Variants in FOXO3 observed in about 807,000 individuals in gnomAD.
FOXO3 encodes forkhead box protein O3.
Under a neutral mutation model 41.9 loss-of-function variants are expected in FOXO3, and 4 were observed. That is an observed-to-expected ratio of 0.10 (90% CI 0.05 to 0.22). The LOEUF is 0.22. Among genes scored for constraint, FOXO3 ranks in the 10% least tolerant of loss-of-function variants. The probability of loss-of-function intolerance (pLI) is 1.00; values close to 1 mark genes in which losing one functional copy is unlikely to be tolerated. For synonymous variants in FOXO3, 318 were observed against 389.3 expected, an observed-to-expected ratio of 0.82 and a Z score of 2.16; for missense variants, 534 against 906.8, an observed-to-expected ratio of 0.59 and a Z score of 5.28.
chr6:108,564,978 C>T (rs1222422842), intron 1 of FOXO3, among the ~76,000 whole-genome samples: 1 of 151,982 alleles, frequency 6.6e-6, no homozygotes. Flanking sequence ...TTTTTGTTTT[C>T]CATTTTCTTC....
chr6:108,670,827 C>G (rs1779195822), intron 2 of FOXO3, among the ~76,000 whole-genome samples: 1 of 152,158 alleles, frequency 6.6e-6, no homozygotes. Context: ...TGTCATATAT[C>G]TAGTGTTTCT....
intron 2 of FOXO3, among the ~76,000 whole-genome samples, chr6:108,670,270 G>A (rs984480186): frequency 6.6e-6 from 1 of 152,018 alleles, no homozygotes; most frequent in East Asian, 1.9e-4. Flanking sequence ...GACACCACCT[G>A]CTTCACCCTG....
intron 1 of FOXO3, among the ~76,000 whole-genome samples, chr6:108,582,409 C>T (rs898985433): frequency 9.9e-5 from 15 of 152,220 alleles, no homozygotes; most frequent in Non-Finnish European, 2.1e-4. Context: ...GTTGTAAGAA[C>T]TCAGTAACAT....
chr6:108,602,733 TTAATA>T (rs1777088114), intron 1 of FOXO3, among the ~76,000 whole-genome samples: 1 of 152,214 alleles, frequency 6.6e-6, no homozygotes, highest in Admixed American at 6.5e-5. Flanking sequence ...TAAAGGCCGA[TTAATA>T]TAAGCAATAT....
chr6:108,563,526 C>G (rs1403379746), intron 1 of FOXO3, among the ~76,000 whole-genome samples: 1 of 152,106 alleles, frequency 6.6e-6, no homozygotes, highest in East Asian at 1.9e-4. Context: ...ATCAGGAAGG[C>G]GTAAGCGGAC....
chr6:108,606,027 G>A (rs1226780752), intron 1 of FOXO3, among the ~76,000 whole-genome samples: 2 of 152,190 alleles, frequency 1.3e-5, no homozygotes, highest in Non-Finnish European at 2.9e-5. Context: ...TTATGTAAGA[G>A]TTACAAGTAA....
At chr6:108,575,881 C>T (rs1035666049) in intron 1 of FOXO3, among the ~76,000 whole-genome samples, 1 of 152,168 alleles carries the variant, frequency 6.6e-6, no homozygotes, top group Non-Finnish European at 1.5e-5. Flanking sequence ...TGAACTCAAA[C>T]ATTCTTTCAA....
chr6:108,668,114 T>C (rs986948509), intron 2 of FOXO3, among the ~76,000 whole-genome samples: 1 of 152,162 alleles, frequency 6.6e-6, no homozygotes, highest in African/African-American at 2.4e-5. Context: ...TCTAATAACT[T>C]TCTTGGTTTA....
chr6:108,639,833 AC>A (rs1778208842), intron 1 of FOXO3, among the ~76,000 whole-genome samples: 1 of 152,224 alleles, frequency 6.6e-6, no homozygotes, highest in Non-Finnish European at 1.5e-5. Context: ...TGTAGATTTT[AC>A]TTTCTAAATA....
chr6:108,679,956 C>T lies in FOXO3; in HGVS notation c.*164C>T, dbSNP rs372884677. On this transcript the variant is annotated 3_prime_UTR_variant, in exon 3 of 3. Transcript: ENST00000406360. ...CGCCATTTTCCTAACCCAGCAGAGACTGTTAATGGCCCCTTACCCTGGGTG... is the reference window on the plus strand; with the variant it reads ...CGCCATTTTCCTAACCCAGCAGAGATTGTTAATGGCCCCTTACCCTGGGTG... 6.5e-6 allele frequency: 1 copy of T among 153,086 alleles called. No individual in the cohort carries two copies. Among genetic ancestry groups the T allele is most frequent in the South Asian group, 2.1e-4 (1 of 4,836 alleles). 9.5% of individuals were successfully genotyped at this position (153,086 alleles called of 1,614,324 possible). A position where few individuals can be genotyped will look rare whatever the true frequency, so the allele number is the denominator to read the frequency against.
intron 1 of FOXO3, 51 bp downstream of exon 1, chr6:108,561,880 G>C: frequency 6.7e-7 from 1 of 1,486,330 alleles, no homozygotes; most frequent in Non-Finnish European, 8.9e-7. Flanking sequence ...CTCCTGCGCA[G>C]CGCGAGACGC....
intron 1 of FOXO3, among the ~76,000 whole-genome samples, chr6:108,623,155 G>C (rs1219398232): frequency 6.6e-6 from 1 of 152,088 alleles, no homozygotes; most frequent in Non-Finnish European, 1.5e-5. Flanking sequence ...ATCTGGGTTT[G>C]GGGAGGACTG....
chr6:108,575,148 A>G (rs1038480744), intron 1 of FOXO3, among the ~76,000 whole-genome samples: 2 of 152,200 alleles, frequency 1.3e-5, no homozygotes, highest in Non-Finnish European at 2.9e-5. Flanking sequence ...TACTACATTA[A>G]AAAGATCAAG....
At chr6:108,589,436 G>A (rs972951405) in intron 1 of FOXO3, among the ~76,000 whole-genome samples, 8 of 152,238 alleles carry the variant, frequency 5.3e-5, no homozygotes, top group African/African-American at 1.9e-4. Flanking sequence ...AAGAAGGACT[G>A]TGTGCTTGCA....
chr6:108,631,161 T>C (rs1777962641), intron 1 of FOXO3, among the ~76,000 whole-genome samples: 1 of 152,228 alleles, frequency 6.6e-6, no homozygotes, highest in African/African-American at 2.4e-5. Flanking sequence ...GTGGTTAGGA[T>C]TGTGAGTACA....
rs563717973 is a variant in FOXO3, at chr6:108,677,499, G to A, written c.*35-2328G>A. ...TCTCTGTACTTGGGGAATGAAGTGT[G>A]TCACCTTCCCATTATGCACTGGCTT... On this transcript the variant is annotated intron_variant, in intron 2 of 2. Transcript: ENST00000406360. Among the ~76,000 whole-genome samples the A allele has an allele frequency of 4.7e-4, 71 of 152,304 alleles. No homozygotes were observed. In the Middle Eastern group the frequency reaches 0.014, roughly 29 times the overall value.
chr6:108,642,965 G>A (rs774265088), intron 1 of FOXO3, among the ~76,000 whole-genome samples: 3 of 152,168 alleles, frequency 2.0e-5, no homozygotes, highest in Non-Finnish European at 2.9e-5. Flanking sequence ...TCTGGTGTTT[G>A]CATACAGATT....
intron 1 of FOXO3, among the ~76,000 whole-genome samples, chr6:108,588,387 A>G (rs1776644623): frequency 6.6e-6 from 1 of 152,184 alleles, no homozygotes; most frequent in African/African-American, 2.4e-5. Context: ...AAAAAGGTAA[A>G]TGGAGGCAGT....
chr6:108,637,649 C>T (rs754362652), intron 1 of FOXO3, among the ~76,000 whole-genome samples: 2 of 152,148 alleles, frequency 1.3e-5, no homozygotes, highest in African/African-American at 2.4e-5. Context: ...TCCTTAGTGT[C>T]TGTCTTTCCC....
Sources: gnomAD v4.1 joint callset for allele counts (sites outside exome capture counted in the v4.1 genomes callset) on GRCh38, gnomAD v4.1.1 for gene constraint, MANE v1.5 for transcripts, NCBI Gene and HGNC (gene_info 2026-07-23, HGNC 2026-07-21) for gene names.